Variants in RIMS2 observed in about 807,000 individuals in gnomAD.
RIMS2 encodes the protein regulating synaptic membrane exocytosis 2.
Under a neutral mutation model 174.4 loss-of-function variants are expected in RIMS2, and 59 were observed. The observed-to-expected ratio is 0.34, with a 90% CI of 0.27 to 0.42. The LOEUF is 0.42. Among genes scored for constraint, RIMS2 ranks in the 10% least tolerant of loss-of-function variants. The pLI, the probability that RIMS2 is intolerant of heterozygous loss-of-function variation, is 1.00. For missense variants in RIMS2, 1,620 were observed against 1,666.3 expected (o/e 0.97, Z 0.48); for synonymous variants, 606 against 572.5 (o/e 1.06, Z -0.84).
intron 1 of RIMS2, among the ~76,000 whole-genome samples, chr8:103,579,261 TC>T (rs879547853): frequency 2.0e-3 from 122 of 59,820 alleles, no homozygotes; most frequent in Non-Finnish European, 4.0e-3. Flanking sequence ...TGTCTCTGTC[TC>T]ACACACACAC....
chr8:103,756,837 G>A (rs768583393), intron 2 of RIMS2, among the ~76,000 whole-genome samples: 5 of 152,076 alleles, frequency 3.3e-5, no homozygotes, highest in Non-Finnish European at 5.9e-5. Flanking sequence ...TTTGATCCAG[G>A]AAACTTACTG....
At position 104,074,357 on chromosome 8, in the gene RIMS2, A is replaced by G. The variant is rs148508735; in HGVS notation, c.3334+59742A>G. ...TAAACAAGGTTTTGGTATCTATTTT[A>G]TAGGGTAGTGATGAGGATTAAACGA... On this transcript the variant is annotated intron_variant, in intron 19 of 23. Transcript: ENST00000504942. Among the ~76,000 whole-genome samples the G allele has an allele frequency of 5.8e-4, 89 of 152,244 alleles. 1 individual carries two copies. The highest frequency in any genetic ancestry group is 1.9e-3 in the African/African-American group (81 of 41,546).
chr8:104,007,202 C>T (rs2095615574), intron 17 of RIMS2, among the ~76,000 whole-genome samples: 1 of 152,092 alleles, frequency 6.6e-6, no homozygotes, highest in South Asian at 2.1e-4. Context: ...TTTTATATTA[C>T]ATATTTTGTA....
At position 103,660,550 on chromosome 8, in the gene RIMS2, G is replaced by A. The variant is rs372212461; in HGVS notation, c.177-36536G>A. The stretch of plus-strand genomic sequence containing the variant: ...TGAGTGGGAATGAAATCAGGGGGCT[G>A]TATACTAGGGCCCGGAATAAACATG... On this transcript the variant is annotated intron_variant, in intron 1 of 23. Transcript: ENST00000504942. Among the ~76,000 whole-genome samples, 58 of 152,236 alleles carry A rather than the reference G, an allele frequency of 3.8e-4. 1 individual carries two copies. The South Asian group carries it at 0.012, about 32-fold the overall frequency.
chr8:104,224,427 A>G (rs117831594), intron 19 of RIMS2, among the ~76,000 whole-genome samples: 2 of 152,356 alleles, frequency 1.3e-5, no homozygotes, highest in Non-Finnish European at 2.9e-5. Flanking sequence ...AAAGTTTTGA[A>G]TAACATAACA....
At chr8:103,736,308 T>A (rs186913709) in intron 2 of RIMS2, among the ~76,000 whole-genome samples, 1 of 152,184 alleles carries the variant, frequency 6.6e-6, no homozygotes, top group Admixed American at 6.6e-5. Context: ...CAATGTATAA[T>A]AGAAGTTTTT....
chr8:103,591,134 T>G (rs546167143), intron 1 of RIMS2, among the ~76,000 whole-genome samples: 1 of 151,188 alleles, frequency 6.6e-6, no homozygotes, highest in South Asian at 2.1e-4. Context: ...TCTCTGTGGT[T>G]TTAATTTGCA....
At chr8:103,734,042 CAGA>C (rs2097650029) in intron 2 of RIMS2, among the ~76,000 whole-genome samples, 1 of 117,332 alleles carries the variant, frequency 8.5e-6, no homozygotes, top group African/African-American at 4.0e-5. Flanking sequence ...TTTTTTTTCC[CAGA>C]CGGAGTCTCG....
In RIMS2 at chr8:104,237,718, A is replaced by C. The variant is rs76645944; in HGVS notation, c.3335-7198A>C. On this transcript the variant is annotated intron_variant, in intron 19 of 23. Transcript: ENST00000504942. ...GAAACAATTTTGTGTGTCAATTGTT[A>C]ATTTTTAATCTCAATTTTTGTTTTA... 2.1e-3 allele frequency among the ~76,000 whole-genome samples: 327 copies of C among 152,292 alleles called. 2 individuals are homozygous for C. Among genetic ancestry groups the C allele is most frequent in the Non-Finnish European group, 3.7e-3 (252 of 68,022 alleles).
chr8:103,649,796 G>T (rs1408489784), intron 1 of RIMS2, among the ~76,000 whole-genome samples: 4 of 151,952 alleles, frequency 2.6e-5, no homozygotes, highest in Non-Finnish European at 4.4e-5. Context: ...CTCTAAACTG[G>T]CTATTCTGGC....
At chr8:104,075,268 G>A (rs1046278440) in intron 19 of RIMS2, among the ~76,000 whole-genome samples, 1 of 152,182 alleles carries the variant, frequency 6.6e-6, no homozygotes, top group Non-Finnish European at 1.5e-5. Context: ...AATAGAACAA[G>A]AGGATTCTAA....
chr8:104,050,086 G>T (rs2096760954), intron 19 of RIMS2, among the ~76,000 whole-genome samples: 1 of 152,070 alleles, frequency 6.6e-6, no homozygotes, highest in Non-Finnish European at 1.5e-5. Flanking sequence ...ATTTGGCTAT[G>T]CTAGACTCAA....
chr8:103,927,564 A>C (rs1372724759), intron 10 of RIMS2, among the ~76,000 whole-genome samples: 2 of 151,514 alleles, frequency 1.3e-5, no homozygotes, highest in Non-Finnish European at 3.0e-5. Context: ...CAAATATATT[A>C]TTTTATATCC....
chr8:103,658,260 T>C (rs960457763), intron 1 of RIMS2, among the ~76,000 whole-genome samples: 1 of 152,202 alleles, frequency 6.6e-6, no homozygotes, highest in African/African-American at 2.4e-5. Context: ...GTCAGTGAGA[T>C]AACAGGGAGA....
At chr8:103,783,821 T>A (rs1018660074) in intron 3 of RIMS2, among the ~76,000 whole-genome samples, 21 of 151,262 alleles carry the variant, frequency 1.4e-4, no homozygotes, top group African/African-American at 1.9e-4. Flanking sequence ...TTTCCAGTTC[T>A]AGATCCCTGA....
At chr8:103,849,784 AAC>A (rs1358261758) in intron 3 of RIMS2, among the ~76,000 whole-genome samples, 10 of 152,150 alleles carry the variant, frequency 6.6e-5, no homozygotes, top group African/African-American at 2.2e-4. Flanking sequence ...AAAGGACATT[AAC>A]AGTCTGTACC....
intron 19 of RIMS2, among the ~76,000 whole-genome samples, chr8:104,206,369 T>C (rs910472897): frequency 3.9e-5 from 6 of 152,240 alleles, no homozygotes; most frequent in Non-Finnish European, 7.3e-5. Flanking sequence ...TGACCAAGGC[T>C]TTGTTCAGCA....
chr8:104,070,308 G>C (rs2097175427), intron 19 of RIMS2, among the ~76,000 whole-genome samples: 1 of 152,080 alleles, frequency 6.6e-6, no homozygotes, highest in Non-Finnish European at 1.5e-5. Context: ...CTGATATACT[G>C]GAAATGTCAC....
chr8:104,197,005 A>T (rs2099028003), intron 19 of RIMS2, among the ~76,000 whole-genome samples: 1 of 152,296 alleles, frequency 6.6e-6, no homozygotes, highest in Middle Eastern at 3.4e-3. Context: ...CTATAGATAA[A>T]TCAGGCAAAT....
Sources: gnomAD v4.1 joint callset for allele counts (sites outside exome capture counted in the v4.1 genomes callset) on GRCh38, gnomAD v4.1.1 for gene constraint, MANE v1.5 for transcripts, NCBI Gene and HGNC (gene_info 2026-07-23, HGNC 2026-07-21) for gene names.